The following SCYGR2 variants were observed in gnomAD, a reference collection of about 807,000 sequenced individuals.
The protein encoded by SCYGR2 is small cysteine and glycine repeat containing 2.
rs1224450107 is a variant in SCYGR2 at position 227,599,228 on chromosome 2, C to A, written c.336C>A (p.Cys112Ter). The change falls in exon 1 of 1, where the codon TGC (cysteine) becomes TGA (stop). Residue 112 changes from cysteine (C) to a stop codon, truncating the protein, a stop_gained. Coordinates refer to ENST00000641394, the Ensembl canonical transcript of SCYGR2. LOFTEE classifies it high-confidence loss of function. ...GGAAGGGCTGTTGCCAGCAGAAATG[C>A]TGCTGCCAGAAGCAATGCTGCTGCT... The A allele has an allele frequency of 1.5e-5, 6 of 399,810 alleles. No individual in the cohort carries two copies. In the South Asian group the frequency reaches 3.7e-4, roughly 25 times the overall value. 24.8% of individuals were successfully genotyped at this position (399,810 alleles called of 1,614,324 possible).
exon 1 of SCYGR2, chr2:227,599,063 C>A (rs919174171): frequency 4.0e-5 from 16 of 397,978 alleles, no homozygotes; most frequent in Non-Finnish European, 6.5e-5. Flanking sequence ...GCTGTGGCAG[C>A]TGCACCACCT....
chr2:227,599,237 G>A (rs1225487358), exon 1 of SCYGR2: 2 of 399,924 alleles, frequency 5.0e-6, no homozygotes, highest in East Asian at 3.6e-5. Context: ...GCTGCTGCCA[G>A]AAGCAATGCT....
chr2:227,599,009 T>TGGTGGCTGC (rs1693638559), exon 1 of SCYGR2: 4 of 382,100 alleles, frequency 1.0e-5, no homozygotes, highest in African/African-American at 6.8e-5. Context: ...GTGGTGGCTG[T>TGGTGGCTGC]GGTGGTGGCT....
chr2:227,598,949 C>T (rs74323613), exon 1 of SCYGR2: 24,606 of 220,980 alleles, frequency 0.11, 930 homozygotes, highest in Middle Eastern at 0.14. Flanking sequence ...GTGGTGGCTG[C>T]GGTGGTGGCT....
chr2:227,599,085 C>A (rs747052520), exon 1 of SCYGR2: 1 of 403,380 alleles, frequency 2.5e-6, no homozygotes, highest in African/African-American at 2.1e-5. Flanking sequence ...CAGGTGCTAC[C>A]GGGTGGGCTG....
At chr2:227,599,225 A>G (rs1026065361) in exon 1 of SCYGR2, 10 of 399,622 alleles carry the variant, frequency 2.5e-5, no homozygotes, top group East Asian at 1.8e-4. Flanking sequence ...GCCAGCAGAA[A>G]TGCTGCTGCC....
At chr2:227,599,207 G>A in exon 1 of SCYGR2, 1 of 399,552 alleles carries the variant, frequency 2.5e-6, no homozygotes, top group Non-Finnish European at 4.4e-6. Context: ...GCTGTGGGAA[G>A]GGCTGTTGCC....
exon 1 of SCYGR2, chr2:227,599,131 G>A: frequency 2.5e-6 from 1 of 401,868 alleles, no homozygotes; most frequent in Non-Finnish European, 4.4e-6. Context: ...CGTGGCTGCT[G>A]TGGAGGCTGC....
chr2:227,599,086 G>A (rs1234052270), exon 1 of SCYGR2: 10 of 404,272 alleles, frequency 2.5e-5, no homozygotes, highest in South Asian at 2.2e-4. Flanking sequence ...AGGTGCTACC[G>A]GGTGGGCTGC....
At chr2:227,598,955 T>C (rs906229007) in exon 1 of SCYGR2, 3 of 295,894 alleles carry the variant, frequency 1.0e-5, no homozygotes, top group East Asian at 6.6e-5. Flanking sequence ...GCTGCGGTGG[T>C]GGCTGTGGTG....
exon 1 of SCYGR2, chr2:227,599,112 CCCT>C (rs1257896130): frequency 6.7e-5 from 27 of 402,490 alleles, no homozygotes; most frequent in Non-Finnish European, 1.0e-4. Flanking sequence ...CAGCTGCTGC[CCCT>C]GCTGCCGTGG....
chr2:227,599,153 C>T (rs576057257), exon 1 of SCYGR2: 492 of 400,056 alleles, frequency 1.2e-3, no homozygotes, highest in East Asian at 2.5e-3. Flanking sequence ...GCAGCACTCC[C>T]GTGATCTGTT....
exon 1 of SCYGR2, chr2:227,599,037 G>A: frequency 2.8e-6 from 1 of 354,304 alleles, no homozygotes. Flanking sequence ...TGGCTGCGGT[G>A]GTGGCTGTGG....
At chr2:227,598,985 C>CGGTGGTGGCTGT (rs758448750) in exon 1 of SCYGR2, 104,525 of 363,372 alleles carry the variant, frequency 0.29, 15,482 homozygotes, top group Non-Finnish European at 0.3. Flanking sequence ...GTGGTGGCTG[C>CGGTGGTGGCTGT]GGTGGTGGCT....
rs1355336953 is a variant in SCYGR2, at chr2:227,599,114, CT to C, written c.223del (p.Cys75AlafsTer14). ...TGGGCTGCTGCTCCAGCTGCTGCCC[CT>C]GCTGCCGTGGCTGCTGTGGAGGCTG... On this transcript the variant is annotated frameshift_variant, in exon 1 of 1. Coordinates refer to ENST00000641394, the Ensembl canonical transcript of SCYGR2. LOFTEE classifies it high-confidence loss of function. 2.5e-6 allele frequency: 1 copy of C among 402,308 alleles called. No individual in the cohort carries two copies. Among genetic ancestry groups the C allele is most frequent in the Non-Finnish European group, 4.4e-6 (1 of 228,400 alleles). 24.9% of individuals were successfully genotyped at this position (402,308 alleles called of 1,614,324 possible).
At chr2:227,599,039 T>C (rs1176427610) in exon 1 of SCYGR2, 25 of 358,498 alleles carry the variant, frequency 7.0e-5, no homozygotes, top group Non-Finnish European at 1.0e-4. Flanking sequence ...GCTGCGGTGG[T>C]GGCTGTGGTG....
At chr2:227,598,959 T>TGCG (rs1559217402) in exon 1 of SCYGR2, 10,638 of 296,312 alleles carry the variant, frequency 0.036, 219 homozygotes, top group Non-Finnish European at 0.049. Flanking sequence ...CGGTGGTGGC[T>TGCG]GTGGTGGTGG....
exon 1 of SCYGR2, chr2:227,599,174 C>T (rs34908833): frequency 0.061 from 24,406 of 399,122 alleles, 975 homozygotes; most frequent in Admixed American, 0.1. Flanking sequence ...GCTGCCGCCG[C>T]ACCTGCCACT....
chr2:227,598,998 G>GGTGGTGGCTGCA, exon 1 of SCYGR2: 1 of 417,376 alleles, frequency 2.4e-6, no homozygotes, highest in Non-Finnish European at 4.2e-6. Flanking sequence ...TGGTGGCTGT[G>GGTGGTGGCTGCA]GTGGTGGCTG....
Sources: allele counts gnomAD v4.1 joint callset, GRCh38; gene constraint gnomAD v4.1.1; transcripts MANE v1.5; gene names NCBI Gene and HGNC (gene_info 2026-07-23, HGNC 2026-07-21).